The following CTNNA2 variants were observed in gnomAD, a reference collection of about 807,000 sequenced individuals.
The protein encoded by CTNNA2 is catenin alpha 2.
CTNNA2 carries 42 observed loss-of-function variants against 101.0 expected under a neutral mutation model. The observed-to-expected ratio is 0.42, with a 90% CI of 0.32 to 0.54. CTNNA2 has a LOEUF of 0.54. Ranked by LOEUF, CTNNA2 falls within the 20% of genes least tolerant of loss-of-function variation. CTNNA2 has a pLI of 0.14. For missense variants in CTNNA2, 871 were observed against 1,223.1 expected (o/e 0.71, Z 4.29); for synonymous variants, 450 against 456.4 (o/e 0.99, Z 0.18).
At chr2:80,326,976 C>A (rs1363933536) in intron 7 of CTNNA2, among the ~76,000 whole-genome samples, 1 of 152,152 alleles carries the variant, frequency 6.6e-6, no homozygotes, top group Non-Finnish European at 1.5e-5. Flanking sequence ...TGGTTTCTCT[C>A]TCTAGGTGTG....
rs1458281495 is a variant in CTNNA2 at position 79,204,579 on chromosome 2, T to C, written c.-406+6503T>C. ...ATTTTAAAATATGTCCATAATTCTC[T>C]GACATTCCAGTTGTGTTAGTCCTCT... On this transcript the variant is annotated intron_variant, in intron 2 of 21. Transcript: ENST00000466387. Among the ~76,000 whole-genome samples, 27 of 152,248 alleles carry C rather than the reference T, an allele frequency of 1.8e-4. 1 individual carries two copies. Among genetic ancestry groups the C allele is most frequent in the Admixed American group, 1.8e-3 (27 of 15,276 alleles).
intron 7 of CTNNA2, among the ~76,000 whole-genome samples, chr2:80,245,621 C>T (rs1398674491): frequency 3.3e-5 from 5 of 151,834 alleles, no homozygotes; most frequent in Non-Finnish European, 7.4e-5. Context: ...CATTCCTGCC[C>T]CTTCTCTAAG....
At position 79,568,813 on chromosome 2, in the gene CTNNA2, G is replaced by C. The variant is rs530689793; in HGVS notation, c.-6+55606G>C. Among the ~76,000 whole-genome samples the C allele has an allele frequency of 5.5e-5, 8 of 144,594 alleles. No individual in the cohort carries two copies. The South Asian group carries it at 1.8e-3, about 32-fold the overall frequency. 94.9% of individuals were successfully genotyped at this position (144,594 alleles called of 152,430 possible). A position where few individuals can be genotyped will look rare whatever the true frequency, so the allele number is the denominator to read the frequency against. ...GAGGTGGGTGGATCACCTGAGCTCAGGAGTTCGAGACCAGCCTGGGCAACA... is the reference window on the plus strand; with the variant it reads ...GAGGTGGGTGGATCACCTGAGCTCACGAGTTCGAGACCAGCCTGGGCAACA... On this transcript the variant is annotated intron_variant, in intron 1 of 18. Transcript: ENST00000402739.
intron 2 of CTNNA2, among the ~76,000 whole-genome samples, chr2:79,732,948 G>A (rs1206104027): frequency 6.6e-6 from 1 of 152,084 alleles, no homozygotes; most frequent in East Asian, 1.9e-4. Flanking sequence ...GCCAGATTGA[G>A]AAGAACACAC....
chr2:80,426,776 G>A (rs914195490), intron 9 of CTNNA2, among the ~76,000 whole-genome samples: 81 of 151,782 alleles, frequency 5.3e-4, no homozygotes, highest in African/African-American at 1.9e-3. Flanking sequence ...AGCCACACTT[G>A]CCATCTTTTG....
chr2:79,239,072 AAGCCCAGTGTGCATTAGCTAT>A (rs567419785), intron 2 of CTNNA2, among the ~76,000 whole-genome samples: 57 of 152,258 alleles, frequency 3.7e-4, no homozygotes, highest in African/African-American at 1.3e-3. Flanking sequence ...CCCAGGTATT[AAGCCCAGTGTGCATTAGCTAT>A]TATTTTAATG....
chr2:79,706,331 C>A (rs982869117), intron 2 of CTNNA2, among the ~76,000 whole-genome samples: 1 of 147,200 alleles, frequency 6.8e-6, no homozygotes, highest in African/African-American at 2.5e-5. Flanking sequence ...CCACTGCACT[C>A]CGCCCTGGGC....
intron 3 of CTNNA2, among the ~76,000 whole-genome samples, chr2:79,363,253 G>T (rs1677670524): frequency 6.6e-6 from 1 of 152,158 alleles, no homozygotes; most frequent in Non-Finnish European, 1.5e-5. Flanking sequence ...GTCCTCACAA[G>T]GTAGAGAGAG....
At chr2:79,320,379 C>T (rs1335183576) in intron 3 of CTNNA2, among the ~76,000 whole-genome samples, 1 of 151,388 alleles carries the variant, frequency 6.6e-6, no homozygotes, top group Non-Finnish European at 1.5e-5. Flanking sequence ...TGGGACTTAC[C>T]CCACATACCA....
In CTNNA2 at chr2:80,647,879, A is replaced by AG. The variant is rs1674274094; in HGVS notation, c.*9dup. 1 of 1,548,060 alleles carries AG rather than the reference A, an allele frequency of 6.5e-7. No homozygotes were observed. On this transcript the variant is annotated 3_prime_UTR_variant, in exon 19 of 19. Coordinates refer to ENST00000402739, the MANE Select transcript of CTNNA2 (RefSeq NM_001282597.3). The stretch of plus-strand genomic sequence containing the variant: ...AGCAATGGATTCCTTCTAGGACGAT[A>AG]GGTTTTAACAAGAAAGCTTTTTCTT...
chr2:80,186,431 C>T (rs1179670709), intron 7 of CTNNA2, among the ~76,000 whole-genome samples: 1 of 152,158 alleles, frequency 6.6e-6, no homozygotes, highest in Non-Finnish European at 1.5e-5. Context: ...GCATGTCCCT[C>T]CCCAGTACAG....
chr2:79,746,921 T>A (rs1190226215), intron 3 of CTNNA2, among the ~76,000 whole-genome samples: 2 of 152,208 alleles, frequency 1.3e-5, no homozygotes, highest in Non-Finnish European at 2.9e-5. Context: ...TGATTTTCAA[T>A]GCTTAGTACT....
chr2:79,439,713 G>A (rs1331157789), intron 4 of CTNNA2, among the ~76,000 whole-genome samples: 2 of 152,140 alleles, frequency 1.3e-5, no homozygotes, highest in African/African-American at 4.8e-5. Flanking sequence ...TAGAACAAGA[G>A]TTCTTCCAGT....
intron 3 of CTNNA2, among the ~76,000 whole-genome samples, chr2:79,852,801 A>G (rs968739405): frequency 2.6e-4 from 40 of 152,210 alleles, no homozygotes; most frequent in African/African-American, 9.2e-4. Context: ...CATATTGGCC[A>G]GAATGGTCTC....
chr2:80,554,612 T>G (rs1425446477), intron 11 of CTNNA2, among the ~76,000 whole-genome samples: 1 of 152,190 alleles, frequency 6.6e-6, no homozygotes, highest in African/African-American at 2.4e-5. Context: ...GTCTCTTTTA[T>G]AAGGACACTA....
At chr2:80,591,457 G>GTTTCTTTTTTTTTTTTTTTTTT (rs1696485831) in intron 15 of CTNNA2, among the ~76,000 whole-genome samples, 1 of 70,314 alleles carries the variant, frequency 1.4e-5, no homozygotes. Flanking sequence ...TGCACAGCCT[G>GTTTCTTTTTTTTTTTTTTTTTT]TTTTTTTTTT....
chr2:79,699,788 TACACAC>T (rs377095429), intron 2 of CTNNA2, among the ~76,000 whole-genome samples: 8,723 of 119,866 alleles, frequency 0.073, 360 homozygotes, highest in Admixed American at 0.11. Flanking sequence ...AAGAAAAAAA[TACACAC>T]ACACACACAC....
chr2:79,683,769 G>A (rs1339210441), intron 2 of CTNNA2, among the ~76,000 whole-genome samples: 3 of 152,312 alleles, frequency 2.0e-5, no homozygotes, highest in East Asian at 1.9e-4. Context: ...GGTGCTGGGG[G>A]AAAGGCATTG....
intron 7 of CTNNA2, among the ~76,000 whole-genome samples, chr2:80,253,757 GCAC>G (rs796419236): frequency 8.8e-4 from 134 of 152,212 alleles, no homozygotes; most frequent in African/African-American, 3.2e-3. Flanking sequence ...ATTTACTAAA[GCAC>G]TTTAATGATA....
Sources: allele counts gnomAD v4.1 joint callset (sites outside exome capture counted in the v4.1 genomes callset), GRCh38; gene constraint gnomAD v4.1.1; transcripts MANE v1.5; gene names NCBI Gene and HGNC (gene_info 2026-07-23, HGNC 2026-07-21).